Variants in TMEM163 observed in about 807,000 individuals in gnomAD.
TMEM163 encodes the protein transmembrane protein 163.
In TMEM163, 17 loss-of-function variants were observed where a neutral mutation model predicts 29.3. The ratio of observed to expected loss-of-function variants is 0.58; its 90% CI spans 0.40 to 0.87. TMEM163 has a LOEUF of 0.87. TMEM163 is among the 40% of genes least tolerant of loss of function. The pLI, the probability that TMEM163 is intolerant of heterozygous loss-of-function variation, is 0.00. For synonymous variants in TMEM163, 157 were observed against 160.6 expected (o/e 0.98, Z 0.17); for missense variants, 303 against 381.5 (o/e 0.79, Z 1.71).
intron 4 of TMEM163, among the ~76,000 whole-genome samples, chr2:134,527,896 A>G (rs1263184566): frequency 2.0e-5 from 3 of 152,238 alleles, no homozygotes; most frequent in African/African-American, 4.8e-5. Flanking sequence ...CTTGGAAAAA[A>G]TATTTCCAAA....
At chr2:134,524,022 A>G (rs1680241457) in intron 4 of TMEM163, among the ~76,000 whole-genome samples, 1 of 152,074 alleles carries the variant, frequency 6.6e-6, no homozygotes, top group Admixed American at 6.6e-5. Context: ...AGACTGAGAA[A>G]CCCTGTTCTA....
intron 1 of TMEM163, among the ~76,000 whole-genome samples, chr2:134,717,492 T>C (rs1207367667): frequency 2.0e-5 from 3 of 152,314 alleles, no homozygotes; most frequent in African/African-American, 7.2e-5. Context: ...TGTCATTTTA[T>C]TTCACATGCT....
chr2:134,526,354 A>G (rs944104697), intron 4 of TMEM163, among the ~76,000 whole-genome samples: 6 of 152,210 alleles, frequency 3.9e-5, no homozygotes, highest in African/African-American at 1.4e-4. Flanking sequence ...CCACATCAGA[A>G]GTCTCTCAGA....
chr2:134,673,408 A>T (rs1165691318), intron 2 of TMEM163, among the ~76,000 whole-genome samples: 1 of 152,206 alleles, frequency 6.6e-6, no homozygotes, highest in Non-Finnish European at 1.5e-5. Flanking sequence ...TGAAATGCAG[A>T]AAACTGTGCT....
chr2:134,628,906 T>C (rs1018792869), intron 2 of TMEM163, among the ~76,000 whole-genome samples: 1 of 152,236 alleles, frequency 6.6e-6, no homozygotes, highest in Non-Finnish European at 1.5e-5. Flanking sequence ...TTTTGTTTAA[T>C]TGATATCATG....
At chr2:134,477,340 CTGTT>C (rs1686939979) in intron 5 of TMEM163, among the ~76,000 whole-genome samples, 3 of 152,314 alleles carry the variant, frequency 2.0e-5, no homozygotes, top group South Asian at 4.2e-4. Flanking sequence ...ATAGTGCGAT[CTGTT>C]TGTTTAAAAG....
intron 2 of TMEM163, among the ~76,000 whole-genome samples, chr2:134,583,338 C>T (rs1681738299): frequency 6.6e-6 from 1 of 152,228 alleles, no homozygotes; most frequent in East Asian, 1.9e-4. Context: ...CAAGTGCTTA[C>T]TGGCATGTAA....
chr2:134,460,695 C>T lies in TMEM163; in HGVS notation c.668-2522G>A, dbSNP rs931806756. Among the ~76,000 whole-genome samples, 2 of 152,114 alleles carry T rather than the reference C, an allele frequency of 1.3e-5. No homozygotes were observed. The highest frequency in any genetic ancestry group is 4.8e-5 in the African/African-American group (2 of 41,414). ...GAAAAGAGGCAAAAGCGTGAGGTTC[C>T]CCAGACAGCCACTAGATGTCTGCTC... On this transcript the variant is annotated intron_variant, in intron 6 of 7. Coordinates refer to ENST00000281924, the MANE Select transcript of TMEM163 (RefSeq NM_030923.5). This position sits in a 1 kb window ranked among gnomAD's most constrained non-coding sequence, Gnocchi z 4.3.
At chr2:134,482,040 T>C (rs916646269) in intron 5 of TMEM163, among the ~76,000 whole-genome samples, 7 of 152,152 alleles carry the variant, frequency 4.6e-5, no homozygotes, top group Non-Finnish European at 7.3e-5. Context: ...TAAATAAAAT[T>C]CCACCTCCTG....
chr2:134,483,950 C>A (rs1276585457), intron 5 of TMEM163, among the ~76,000 whole-genome samples: 1 of 152,086 alleles, frequency 6.6e-6, no homozygotes, highest in East Asian at 1.9e-4. Context: ...TCGAGACCAG[C>A]CTGGCCAACA....
chr2:134,555,045 G>A (rs1681019219), intron 2 of TMEM163, among the ~76,000 whole-genome samples: 1 of 152,182 alleles, frequency 6.6e-6, no homozygotes, highest in Non-Finnish European at 1.5e-5. Context: ...AGCTCTGACA[G>A]CTTCCTTTTG....
chr2:134,707,458 T>A (rs999723392), intron 2 of TMEM163, among the ~76,000 whole-genome samples: 7 of 152,328 alleles, frequency 4.6e-5, no homozygotes, highest in African/African-American at 1.4e-4. Flanking sequence ...GTCTCAGGAA[T>A]TTTTATCTTG....
chr2:134,516,689 AT>A (rs1250229202), intron 4 of TMEM163, among the ~76,000 whole-genome samples: 1 of 131,932 alleles, frequency 7.6e-6, no homozygotes, highest in African/African-American at 2.6e-5. Flanking sequence ...ATATATGCAT[AT>A]ATATGCATAT....
chr2:134,551,227 GGT>G lies in TMEM163; in HGVS notation c.367-568_367-567del, dbSNP rs374201308. 7.2e-3 allele frequency among the ~76,000 whole-genome samples: 1,093 copies of G among 151,910 alleles called. 17 individuals carry two copies. The highest frequency in any genetic ancestry group is 0.024 in the African/African-American group (1,011 of 41,414). The stretch of plus-strand genomic sequence containing the variant: ...GTAGGTGTGTGTTTGTGTGTTTCTG[GGT>G]GTGTGTGTATGCATGTGTGTGTGTA... On this transcript the variant is annotated intron_variant, in intron 3 of 7. Coordinates refer to ENST00000281924, the MANE Select transcript of TMEM163 (RefSeq NM_030923.5).
In TMEM163 at chr2:134,599,693, C is replaced by CTT. The variant is rs559714595; in HGVS notation, c.323-47604_323-47603dup. ...AAGATAGCTATGTTCCCAACTTTAT[C>CTT]TTTTTTTTTTTTTTTTTTTAAGAGA... is the stretch of plus-strand genomic sequence containing the variant. On this transcript the variant is annotated intron_variant, in intron 2 of 7. Coordinates refer to ENST00000281924, the MANE Select transcript of TMEM163 (RefSeq NM_030923.5). Among the ~76,000 whole-genome samples, 668 of 130,968 alleles carry CTT rather than the reference C, an allele frequency of 5.1e-3. 7 individuals carry two copies. Among genetic ancestry groups the CTT allele is most frequent in the African/African-American group, 0.015 (531 of 35,106 alleles). 85.9% of individuals were successfully genotyped at this position (130,968 alleles called of 152,430 possible). A position where few individuals can be genotyped will look rare whatever the true frequency, so the allele number is the denominator to read the frequency against.
chr2:134,565,860 T>C (rs887723142), intron 2 of TMEM163, among the ~76,000 whole-genome samples: 1 of 152,232 alleles, frequency 6.6e-6, no homozygotes, highest in African/African-American at 2.4e-5. Context: ...AATCTATGTA[T>C]GATTTGGTTT....
chr2:134,670,080 G>A lies in TMEM163; in HGVS notation c.322+43120C>T, dbSNP rs535726020. 2.6e-5 allele frequency among the ~76,000 whole-genome samples: 4 copies of A among 152,050 alleles called. No individual in the cohort carries two copies. The South Asian group carries it at 8.3e-4, about 32-fold the overall frequency. On this transcript the variant is annotated intron_variant, in intron 2 of 7. Transcript: ENST00000281924. The stretch of plus-strand genomic sequence containing the variant: ...GCGATTACTGCTGTTTTAGGCCACT[G>A]TGTTTTGGGATGATTTTCTGTGCAG...
At chr2:134,506,405 T>G (rs571746931) in intron 4 of TMEM163, among the ~76,000 whole-genome samples, 2 of 152,110 alleles carry the variant, frequency 1.3e-5, no homozygotes, top group Non-Finnish European at 2.9e-5. Context: ...CCTCTAGCAC[T>G]CAGAGCTCCA....
At chr2:134,624,152 G>A (rs536844926) in intron 2 of TMEM163, among the ~76,000 whole-genome samples, 2 of 152,260 alleles carry the variant, frequency 1.3e-5, no homozygotes, top group South Asian at 2.1e-4. Context: ...CTATAATCTG[G>A]GCCAGCACAT....
Sources: gnomAD v4.1 joint callset for allele counts (sites outside exome capture counted in the v4.1 genomes callset) on GRCh38, gnomAD v4.1.1 for gene constraint, Gnocchi (gnomAD v3.1) non-coding constraint, MANE v1.5 for transcripts, NCBI Gene and HGNC (gene_info 2026-07-23, HGNC 2026-07-21) for gene names.